The following SCHIP1 variants were observed in gnomAD, a reference collection of about 807,000 sequenced individuals.
SCHIP1 encodes the protein schwannomin interacting protein 1, also known as schwannomin-interacting protein 1.
A neutral mutation model predicts 29.7 loss-of-function variants in SCHIP1; 8 were observed. The ratio of observed to expected loss-of-function variants is 0.27; its 90% confidence interval spans 0.16 to 0.49. The LOEUF (loss-of-function observed/expected upper bound fraction) is 0.49. Among genes scored for constraint, SCHIP1 ranks in the 20% least tolerant of loss-of-function variants. SCHIP1 has a pLI of 0.99. For synonymous variants in SCHIP1, 76 were observed against 94.9 expected (o/e 0.80, Z 1.16); for missense variants, 193 against 294.6 (o/e 0.66, Z 2.52).
At chr3:159,699,994 A>C in the SCHIP1 span, among the ~76,000 whole-genome samples, 1 of 152,148 alleles carries the variant, frequency 6.6e-6, no homozygotes, top group African/African-American at 2.4e-5. Flanking sequence ...AATTGGTGCT[A>C]ATGTTCTATA....
the SCHIP1 span, among the ~76,000 whole-genome samples, chr3:159,533,066 C>T: frequency 2.0e-5 from 3 of 152,306 alleles, no homozygotes; most frequent in East Asian, 3.9e-4. Flanking sequence ...TATGGAGTCA[C>T]AGTCTACTGG....
At chr3:159,656,634 C>T in the SCHIP1 span, among the ~76,000 whole-genome samples, 1,023 of 152,242 alleles carry the variant, frequency 6.7e-3, 12 homozygotes, top group African/African-American at 0.023. Context: ...ATCTGAATTA[C>T]GTGGTACCCA....
At chr3:159,551,198 C>A in the SCHIP1 span, among the ~76,000 whole-genome samples, 3 of 152,118 alleles carry the variant, frequency 2.0e-5, no homozygotes, top group Admixed American at 6.5e-5. Context: ...TTTAAGAACA[C>A]CTGGTATCCC....
chr3:159,637,263 A>C, the SCHIP1 span, among the ~76,000 whole-genome samples: 7 of 152,298 alleles, frequency 4.6e-5, no homozygotes, highest in East Asian at 1.4e-3. Context: ...GACATAAAAA[A>C]CAATCTGTCA....
chr3:159,417,132 G>C, the SCHIP1 span, among the ~76,000 whole-genome samples: 1 of 152,166 alleles, frequency 6.6e-6, no homozygotes, highest in African/African-American at 2.4e-5. Context: ...CAGTCCCTTT[G>C]GTTCACTTCA....
chr3:159,671,308 C>T, the SCHIP1 span, among the ~76,000 whole-genome samples: 1 of 152,166 alleles, frequency 6.6e-6, no homozygotes, highest in Non-Finnish European at 1.5e-5. Flanking sequence ...CAGGAGATCT[C>T]CTGACATGGA....
the SCHIP1 span, among the ~76,000 whole-genome samples, chr3:159,368,708 C>T: frequency 0.099 from 14,699 of 148,412 alleles, 877 homozygotes; most frequent in Non-Finnish European, 0.13. Flanking sequence ...ACAATCCCTA[C>T]GTTAGTGGGC....
the SCHIP1 span, among the ~76,000 whole-genome samples, chr3:159,332,006 C>T: frequency 1.3e-5 from 2 of 152,158 alleles, no homozygotes; most frequent in South Asian, 4.1e-4. Flanking sequence ...GGTGTCACCT[C>T]CTGAGGGTGT....
At chr3:159,348,518 G>A in the SCHIP1 span, among the ~76,000 whole-genome samples, 1 of 151,852 alleles carries the variant, frequency 6.6e-6, no homozygotes, top group East Asian at 1.9e-4. Flanking sequence ...ACTTTGCATT[G>A]GCATGATTTC....
At chr3:159,488,271 T>G in the SCHIP1 span, among the ~76,000 whole-genome samples, 1 of 152,048 alleles carries the variant, frequency 6.6e-6, no homozygotes, top group Admixed American at 6.6e-5. Flanking sequence ...TATTTGATAG[T>G]ACAACAGAGT....
chr3:159,315,551 T>A, the SCHIP1 span, among the ~76,000 whole-genome samples: 9 of 151,852 alleles, frequency 5.9e-5, no homozygotes, highest in South Asian at 4.2e-4. Flanking sequence ...CTAATGATTT[T>A]TATATATATA....
chr3:159,357,922 C>T, the SCHIP1 span, among the ~76,000 whole-genome samples: 1 of 152,120 alleles, frequency 6.6e-6, no homozygotes, highest in Non-Finnish European at 1.5e-5. Flanking sequence ...TACAGAAAGT[C>T]CTGGGAGCTC....
the SCHIP1 span, among the ~76,000 whole-genome samples, chr3:159,437,917 C>G: frequency 6.6e-6 from 1 of 152,134 alleles, no homozygotes; most frequent in African/African-American, 2.4e-5. Flanking sequence ...GTTCAAATCC[C>G]AGCTCTGCCA....
At chr3:159,781,979 G>A in the SCHIP1 span, among the ~76,000 whole-genome samples, 1 of 152,222 alleles carries the variant, frequency 6.6e-6, no homozygotes, top group Non-Finnish European at 1.5e-5. Flanking sequence ...ATGTAGAATA[G>A]GACTGTGGTT....
At chr3:159,750,306 C>CAT in the SCHIP1 span, among the ~76,000 whole-genome samples, 2 of 146,884 alleles carry the variant, frequency 1.4e-5, no homozygotes, top group African/African-American at 2.6e-5. Context: ...TACACACACA[C>CAT]ACACACACAC....
At chr3:159,621,323 T>C in the SCHIP1 span, among the ~76,000 whole-genome samples, 1 of 152,238 alleles carries the variant, frequency 6.6e-6, no homozygotes, top group Admixed American at 6.5e-5. Flanking sequence ...AATTCAACAA[T>C]TTCAAGCTAA....
At chr3:159,312,107 G>C in the SCHIP1 span, among the ~76,000 whole-genome samples, 653 of 152,234 alleles carry the variant, frequency 4.3e-3, 5 homozygotes, top group African/African-American at 0.015. Context: ...CTTGGTTTTG[G>C]TCTTTCTAGA....
chr3:159,392,320 T>C, the SCHIP1 span, among the ~76,000 whole-genome samples: 1 of 152,200 alleles, frequency 6.6e-6, no homozygotes. Context: ...TTTTTCCTTT[T>C]ATTATTATAC....
chr3:159,394,518 G>T, the SCHIP1 span, among the ~76,000 whole-genome samples: 2 of 152,148 alleles, frequency 1.3e-5, no homozygotes, highest in Non-Finnish European at 2.9e-5. Context: ...AGAGTTTTTA[G>T]CATGAAGGGT....
Sources: allele counts gnomAD v4.1 joint callset (sites outside exome capture counted in the v4.1 genomes callset), GRCh38; gene constraint gnomAD v4.1.1; transcripts MANE v1.5; gene names NCBI Gene and HGNC (gene_info 2026-07-23, HGNC 2026-07-21).